Variants in DNAH17 observed in about 807,000 individuals in gnomAD.
The protein encoded by DNAH17 is axonemal beta dynein heavy chain 17.
A neutral mutation model predicts 485.6 loss-of-function variants in DNAH17; 376 were observed. That is an observed-to-expected ratio of 0.77 (90% CI 0.71 to 0.84). The LOEUF is 0.84. Among genes scored for constraint, DNAH17 ranks in the 40% least tolerant of loss-of-function variants. The pLI, the probability that DNAH17 is intolerant of heterozygous loss-of-function variation, is 0.00. For missense variants in DNAH17, 6,370 were observed against 5,839.3 expected (o/e 1.09, Z -2.96); for synonymous variants, 3,031 against 2,405.9 (o/e 1.26, Z -7.60).
chr17:78,495,162 T>TC, intron 38 of DNAH17, 65 bp from the exon 39 acceptor site: 1 of 1,504,632 alleles, frequency 6.6e-7, no homozygotes, highest in Non-Finnish European at 8.9e-7. Context: ...CCCCTGCCTG[T>TC]CCCTCTTCAC....
At chr17:78,477,942 T>TCAC (rs1243475769) in intron 51 of DNAH17, among the ~76,000 whole-genome samples, 24 of 145,008 alleles carry the variant, frequency 1.7e-4, no homozygotes, top group African/African-American at 6.1e-4. Context: ...ATCACCACCA[T>TCAC]CACCATTATC....
intron 64 of DNAH17, among the ~76,000 whole-genome samples, chr17:78,453,821 G>A (rs1231089207): frequency 2.0e-5 from 3 of 152,164 alleles, no homozygotes; most frequent in Non-Finnish European, 1.5e-5. Flanking sequence ...CTGAGTAGCT[G>A]GGACTACAGG....
intron 21 of DNAH17, 57 bp from the exon 22 acceptor site, chr17:78,529,751 T>C (rs1445599997): frequency 2.6e-6 from 4 of 1,564,298 alleles, no homozygotes; most frequent in Non-Finnish European, 2.6e-6. Flanking sequence ...CCACCCTTGA[T>C]GGTACGGAGC....
chr17:78,450,647 T>C (rs1406061064), intron 67 of DNAH17, 35 bp downstream of exon 67: 2 of 1,596,780 alleles, frequency 1.3e-6, no homozygotes, highest in Admixed American at 3.5e-5. Context: ...TCCCAAGCCC[T>C]GGCTGCCAGG....
At chr17:78,426,390 G>GGC (rs1243945833) in intron 79 of DNAH17, 67 bp downstream of exon 79, 2 of 1,482,262 alleles carry the variant, frequency 1.3e-6, no homozygotes, top group Non-Finnish European at 1.8e-6. Context: ...TAGGGTGTGG[G>GGC]GTGTGCCGAG....
intron 55 of DNAH17, among the ~76,000 whole-genome samples, chr17:78,468,380 T>C (rs1435946224): frequency 6.6e-6 from 1 of 152,118 alleles, no homozygotes; most frequent in Non-Finnish European, 1.5e-5. Context: ...CCTCCTCAGA[T>C]ACCAAAGGAC....
chr17:78,432,150 G>A (rs900701866), intron 75 of DNAH17, among the ~76,000 whole-genome samples: 11 of 151,576 alleles, frequency 7.3e-5, no homozygotes, highest in African/African-American at 2.7e-4. Flanking sequence ...CTGCACTCCT[G>A]CCCCAGTTAA....
At chr17:78,478,267 TCCA>T (rs1355831364) in intron 51 of DNAH17, among the ~76,000 whole-genome samples, 7 of 48,808 alleles carry the variant, frequency 1.4e-4, no homozygotes, top group East Asian at 6.2e-4. Context: ...CATTATCATC[TCCA>T]CCACCATCAC....
intron 48 of DNAH17, 159 bp downstream of exon 48, chr17:78,484,709 C>G (rs1262618688): frequency 4.6e-6 from 2 of 436,312 alleles, no homozygotes; most frequent in African/African-American, 4.1e-5. Flanking sequence ...GGCCCAGCTA[C>G]GACCCGTGTC....
chr17:78,425,596 G>A (rs1568032555), intron 79 of DNAH17, 25 bp from the exon 80 acceptor site: 2 of 1,578,862 alleles, frequency 1.3e-6, no homozygotes, highest in Non-Finnish European at 8.6e-7. Flanking sequence ...GAGCCGCTAG[G>A]AGGAGAGGAC....
In DNAH17 at chr17:78,476,626, T is replaced by C. The variant is rs759194578; in HGVS notation, c.8100A>G (p.Lys2700=). The part of the protein sequence containing the change: ...RVYGDKMVDE[K]DQETLHRVTM... ...TGACTCTATGCAATGTTTCCTGGTC[T>C]TTTTCGTCAACCATTTTGTCACCAT... Residue 2700 remains lysine, a synonymous_variant, in exon 52 of 81, where the codon AAA becomes AAG. Transcript: ENST00000389840. The C allele has an allele frequency of 6.2e-7, 1 of 1,611,962 alleles. No homozygotes were observed. Among genetic ancestry groups the C allele is most frequent in the Non-Finnish European group, 8.5e-7 (1 of 1,179,040 alleles).
At chr17:78,425,019 G>A (rs1025272276) in intron 80 of DNAH17, 10 of 209,498 alleles carry the variant, frequency 4.8e-5, no homozygotes, top group African/African-American at 1.4e-4. Context: ...TGACTGCTCC[G>A]TGGCAGGGAA....
At position 78,495,952 on chromosome 17, in the gene DNAH17, G is replaced by T. The variant is rs761011580; in HGVS notation, c.5826C>A (p.Thr1942=). The T allele has an allele frequency of 1.1e-5, 18 of 1,613,940 alleles. 1 individual carries two copies. The South Asian group carries it at 2.0e-4, about 18-fold the overall frequency. Residue 1942 remains threonine (T), a synonymous_variant, in exon 38 of 81, where the codon ACC becomes ACA. Transcript: ENST00000389840. The part of the protein sequence containing the change: ...FLGEIIGLIP[T]VGIFITMNPG... ...GGTTCATGGTGATGAAGATACCGAC[G>T]GTGGGAATGAGGCCTATGATCTCTC...
intron 37 of DNAH17, chr17:78,497,133 G>C (rs1276250653): frequency 6.6e-6 from 1 of 152,214 alleles, no homozygotes; most frequent in Non-Finnish European, 1.5e-5. Flanking sequence ...CAGAGGACTG[G>C]TTAGCGGCCA....
chr17:78,571,283 A>T lies in DNAH17; in HGVS notation c.828T>A (p.Thr276=), dbSNP rs1359257685. 6.2e-7 allele frequency: 1 copy of T among 1,612,286 alleles called. No individual in the cohort carries two copies. The change falls in exon 5 of 81, where the codon ACT becomes ACA. Residue 276 remains threonine, a synonymous_variant. Coordinates refer to ENST00000389840, the MANE Select transcript of DNAH17 (RefSeq NM_173628.4). ...ATGACAGGGTCACAGGCTCACCTTC[A>T]GTGACGTTGGTGTAAACGTTTTGCA... ...PALQNVYTNV[T]EGLKEANDIV...
At chr17:78,537,210 C>T (rs1005020152) in intron 19 of DNAH17, 89 bp downstream of exon 19, 14 of 1,336,524 alleles carry the variant, frequency 1.0e-5, no homozygotes, top group East Asian at 5.1e-5. Flanking sequence ...AAAAGGTAAA[C>T]GGCGAAGCCT....
rs1184852974 is a variant in DNAH17 at position 78,569,218 on chromosome 17, G to A, written c.1232C>T (p.Ser411Phe). The A allele has an allele frequency of 1.9e-6, 3 of 1,609,380 alleles. No homozygotes were observed. The highest frequency in any genetic ancestry group is 2.7e-5 in the African/African-American group (2 of 74,884). ...GGAATTTATCCTGGAAAAGGCAAGA[G>A]AAGAAGGGAATTCCCAAGGCACGGG... ...KEPVPWEFPS[S>F]LAFSRINSFF... The change falls in exon 9 of 81, where the codon TCT (serine) becomes TTT (phenylalanine). Residue 411 changes from serine (S) to phenylalanine (F), a missense_variant. Ser to Phe is a radical substitution (Grantham distance 155). Coordinates refer to ENST00000389840, the MANE Select transcript of DNAH17 (RefSeq NM_173628.4).
rs2090527530 is a variant in DNAH17 at position 78,507,751 on chromosome 17, G to A, written c.4291C>T (p.His1431Tyr). 1 of 1,592,070 alleles carries A rather than the reference G, an allele frequency of 6.3e-7. No homozygotes were observed. The highest frequency in any genetic ancestry group is 8.5e-7 in the Non-Finnish European group (1 of 1,175,118). ...AGCATCATGGTGCCTGTCCGCGGGTGCGGCTCGTGCTGGAATTCCATCATG... is the reference window on the plus strand; with the variant it reads ...AGCATCATGGTGCCTGTCCGCGGGTACGGCTCGTGCTGGAATTCCATCATG... The part of the protein sequence containing the change: ...WSMMEFQHEP[H>Y]PRTGTMMLKS... The change falls in exon 28 of 81, where the codon CAC becomes TAC. Residue 1431 changes from histidine to tyrosine, a missense_variant. Physicochemically the swap from His to Tyr is moderately conservative, Grantham distance 83 (BLOSUM62 2). Coordinates refer to ENST00000389840, the MANE Select transcript of DNAH17 (RefSeq NM_173628.4).
chr17:78,502,628 C>T lies in DNAH17; in HGVS notation c.5153G>A (p.Gly1718Asp), dbSNP rs1027170512. 8 of 1,613,248 alleles carry T rather than the reference C, an allele frequency of 5.0e-6. No individual in the cohort carries two copies. In the Admixed American group the frequency reaches 1.2e-4, roughly 24 times the overall value. The change falls in exon 33 of 81, where the codon GGC becomes GAC. Residue 1718 changes from glycine to aspartate, a missense_variant. Physicochemically the swap from Gly to Asp is moderately conservative, Grantham distance 94. Transcript: ENST00000389840. ...ATAATCTCTGATAGCGTTTTCATAG[C>T]CTTCCTCCAGCCTGGCAAATGCCAG... ...VGLAFARLEE[G>D]YENAIRDYNK...
Sources: gnomAD v4.1 joint callset for allele counts (sites outside exome capture counted in the v4.1 genomes callset) on GRCh38, gnomAD v4.1.1 for gene constraint, MANE v1.5 for transcripts, NCBI Gene and HGNC (gene_info 2026-07-23, HGNC 2026-07-21) for gene names.